TNRC6B: variants seen among roughly 807,000 people sequenced by gnomAD.
TNRC6B encodes the protein trinucleotide repeat-containing gene 6B protein.
In TNRC6B, 52 loss-of-function variants were observed where a neutral mutation model predicts 203.6. The observed-to-expected ratio is 0.26, with a 90% CI of 0.20 to 0.32. The LOEUF is 0.32. TNRC6B is among the 10% of genes least tolerant of loss of function. The probability of loss-of-function intolerance (pLI) is 1.00; values close to 1 mark genes in which losing one functional copy is unlikely to be tolerated. For synonymous variants in TNRC6B, 838 were observed against 845.7 expected (o/e 0.99, Z 0.16); for missense variants, 1,923 against 2,286.2 (o/e 0.84, Z 3.24).
intron 3 of TNRC6B, among the ~76,000 whole-genome samples, chr22:40,127,854 A>G: frequency 1.3e-5 from 2 of 152,054 alleles, no homozygotes; most frequent in African/African-American, 4.8e-5. Context: ...CTGGGCAGCA[A>G]AGCCAGACCC....
chr22:40,056,146 ATCTT>A (rs2067793420), intron 1 of TNRC6B, among the ~76,000 whole-genome samples: 1 of 152,126 alleles, frequency 6.6e-6, no homozygotes, highest in African/African-American at 2.4e-5. Context: ...ATCTCTAGCC[ATCTT>A]CCATTCTATT....
intron 7 of TNRC6B, among the ~76,000 whole-genome samples, chr22:40,276,652 G>T (rs2070648996): frequency 6.6e-6 from 1 of 152,180 alleles, no homozygotes; most frequent in African/African-American, 2.4e-5. Flanking sequence ...TCCTTATAAT[G>T]CCCAGTTTAA....
chr22:40,080,013 T>A (rs1015032949), intron 1 of TNRC6B, among the ~76,000 whole-genome samples: 1 of 151,956 alleles, frequency 6.6e-6, no homozygotes, highest in Admixed American at 6.6e-5. Context: ...GCCAGGATGG[T>A]CTCGATGTCC....
chr22:40,088,409 TTTG>T (rs925281341), intron 1 of TNRC6B, among the ~76,000 whole-genome samples: 6 of 152,214 alleles, frequency 3.9e-5, no homozygotes, highest in East Asian at 3.9e-4. Flanking sequence ...TTTTGTTTTC[TTTG>T]TTGTTGTTGT....
At chr22:40,212,659 A>G (rs1262625197) in intron 1 of TNRC6B, among the ~76,000 whole-genome samples, 1 of 151,500 alleles carries the variant, frequency 6.6e-6, no homozygotes, top group African/African-American at 2.4e-5. Context: ...GTTTGTTTTT[A>G]ATTATTTTTA....
chr22:40,214,619 G>A (rs2069610164), intron 1 of TNRC6B, among the ~76,000 whole-genome samples: 1 of 151,752 alleles, frequency 6.6e-6, no homozygotes, highest in African/African-American at 2.4e-5. Context: ...GAGTGCAGTG[G>A]CATGATCATA....
intron 1 of TNRC6B, among the ~76,000 whole-genome samples, chr22:40,056,863 G>A (rs552229298): frequency 1.3e-4 from 19 of 151,994 alleles, no homozygotes; most frequent in Non-Finnish European, 1.8e-4. Context: ...AGCACCCAGC[G>A]GAGAAAGAAA....
intron 1 of TNRC6B, among the ~76,000 whole-genome samples, chr22:40,060,075 C>T (rs924344116): frequency 1.3e-5 from 2 of 151,068 alleles, no homozygotes; most frequent in East Asian, 1.9e-4. Context: ...GTGATCCACC[C>T]GCCTCGACCT....
At chr22:40,050,166 A>C (rs1958536481) in intron 1 of TNRC6B, among the ~76,000 whole-genome samples, 1 of 152,216 alleles carries the variant, frequency 6.6e-6, no homozygotes, top group Non-Finnish European at 1.5e-5. Flanking sequence ...CCCCTTTGCT[A>C]CCAAGCCAGC....
chr22:40,314,298 A>G (rs894503692), intron 19 of TNRC6B, among the ~76,000 whole-genome samples: 1 of 151,946 alleles, frequency 6.6e-6, no homozygotes, highest in African/African-American at 2.4e-5. Flanking sequence ...CTCTCTCTCA[A>G]TCCCTGGATC....
intron 2 of TNRC6B, among the ~76,000 whole-genome samples, chr22:40,121,656 A>C (rs1016449771): frequency 2.6e-5 from 4 of 152,248 alleles, no homozygotes; most frequent in Admixed American, 6.5e-5. Context: ...GACTGCCTGC[A>C]CAGCTGATAT....
intron 6 of TNRC6B, among the ~76,000 whole-genome samples, chr22:40,271,954 T>C (rs1020585858): frequency 1.4e-5 from 2 of 147,994 alleles, no homozygotes; most frequent in Non-Finnish European, 3.0e-5. Context: ...ACCTCTCTTA[T>C]CTTTTCTGTA....
intron 1 of TNRC6B, among the ~76,000 whole-genome samples, chr22:40,209,556 G>A (rs1210515714): frequency 4.6e-5 from 7 of 152,124 alleles, no homozygotes; most frequent in African/African-American, 1.7e-4. Flanking sequence ...TCCCAGAATG[G>A]TGGCATTCTT....
chr22:40,290,940 A>T (rs747651750), intron 12 of TNRC6B, among the ~76,000 whole-genome samples: 2 of 152,162 alleles, frequency 1.3e-5, no homozygotes, highest in Admixed American at 6.5e-5. Flanking sequence ...TGTCTGCTCT[A>T]CCCAAAAAAG....
chr22:40,143,492 A>G (rs1354441817), intron 3 of TNRC6B, among the ~76,000 whole-genome samples: 1 of 151,978 alleles, frequency 6.6e-6, no homozygotes, highest in Non-Finnish European at 1.5e-5. Context: ...TTTGCAATAC[A>G]TCTTTTTTTG....
At chr22:40,096,245 G>A (rs1405021646) in intron 1 of TNRC6B, among the ~76,000 whole-genome samples, 3 of 152,202 alleles carry the variant, frequency 2.0e-5, no homozygotes, top group African/African-American at 2.4e-5. Context: ...TAGGAAGTCT[G>A]TGAGGACAAT....
rs761151323 is a variant in TNRC6B at position 40,265,205 on chromosome 22, G to A, written c.975G>A (p.Leu325=). ...VQEGTSRKGA[L]ETDNSNSSAQ... ...AAGGAACTTCTAGGAAAGGGGCATT[G>A]GAAACAGATAATAGTAATTCCAGTG... The change falls in exon 5 of 23, where the codon TTG becomes TTA. Residue 325 remains leucine, a synonymous_variant. Transcript: ENST00000454349. 1.4e-5 allele frequency: 22 copies of A among 1,613,864 alleles called. 1 individual carries two copies. Among genetic ancestry groups the A allele is most frequent in the Non-Finnish European group, 1.7e-5 (20 of 1,179,896 alleles).
At chr22:40,091,780 A>T (rs1311414277) in intron 1 of TNRC6B, among the ~76,000 whole-genome samples, 1 of 152,176 alleles carries the variant, frequency 6.6e-6, no homozygotes, top group Non-Finnish European at 1.5e-5. Context: ...CGTTCATTAT[A>T]TTATTGTCTA....
chr22:40,085,890 A>T (rs1040807410), intron 1 of TNRC6B, among the ~76,000 whole-genome samples: 2 of 143,314 alleles, frequency 1.4e-5, no homozygotes, highest in African/African-American at 2.5e-5. Flanking sequence ...GTTGTTGTTG[A>T]GACAGGGTCT....
Sources: allele counts gnomAD v4.1 joint callset (sites outside exome capture counted in the v4.1 genomes callset), GRCh38; gene constraint gnomAD v4.1.1; transcripts MANE v1.5; gene names NCBI Gene and HGNC (gene_info 2026-07-23, HGNC 2026-07-21).